The following PGM1 variants were observed in gnomAD, a reference collection of about 807,000 sequenced individuals.
PGM1 encodes the protein phosphoglucomutase 1.
Under a neutral mutation model 55.6 loss-of-function variants are expected in PGM1, and 52 were observed. The observed-to-expected ratio is 0.94, with a 90% confidence interval of 0.75 to 1.18. PGM1 has a LOEUF of 1.18. Ranked by LOEUF, PGM1 falls within the 50% of genes most tolerant of loss-of-function variation. PGM1 has a pLI of 0.00. For synonymous variants in PGM1, 287 were observed against 271.7 expected (o/e 1.06, Z -0.55); for missense variants, 724 against 729.3 (o/e 0.99, Z 0.08).
intron 7 of PGM1, among the ~76,000 whole-genome samples, chr1:63,646,556 C>T (rs1355676355): frequency 6.6e-6 from 1 of 152,068 alleles, no homozygotes; most frequent in Non-Finnish European, 1.5e-5. Flanking sequence ...TTGCTGGATC[C>T]ATGAGTAGGT....
chr1:63,654,747 T>G (rs1649914194), intron 10 of PGM1, among the ~76,000 whole-genome samples: 1 of 152,078 alleles, frequency 6.6e-6, no homozygotes, highest in East Asian at 1.9e-4. Context: ...GAGTGAGACC[T>G]TATATCAAAA....
rs535087550 is a variant in PGM1 at position 63,593,791 on chromosome 1, C to T, written c.246+57C>T. 833 of 1,492,778 alleles carry T rather than the reference C, an allele frequency of 5.6e-4. 1 individual carries two copies. The highest frequency in any genetic ancestry group is 2.8e-3 in the African/African-American group (192 of 69,516). The allele number at this position is 1,492,778 out of a possible 1,614,324, so 92.5% of individuals were successfully genotyped here. A position where few individuals can be genotyped will look rare whatever the true frequency, so the allele number is the denominator to read the frequency against. On this transcript the variant is annotated intron_variant, in intron 1 of 10. Coordinates refer to ENST00000371084, the MANE Select transcript of PGM1 (RefSeq NM_002633.3). ...ACCCTGGCGCGTGTGCGACGTGCGG[C>T]CCGCGGCGCCCTCCCTCGCTCGGGG...
chr1:63,629,182 C>T (rs1255163278), intron 1 of PGM1, among the ~76,000 whole-genome samples: 3 of 152,186 alleles, frequency 2.0e-5, no homozygotes, highest in Non-Finnish European at 4.4e-5. Context: ...ACAGACCACA[C>T]ACTTCTAAAA....
intron 9 of PGM1, among the ~76,000 whole-genome samples, chr1:63,653,550 G>A (rs1649876587): frequency 1.3e-5 from 2 of 152,166 alleles, no homozygotes; most frequent in South Asian, 4.1e-4. Flanking sequence ...TTTTACAGAG[G>A]ATGGATAGAC....
chr1:63,645,959 A>G (rs533653234), intron 7 of PGM1, among the ~76,000 whole-genome samples: 3 of 152,298 alleles, frequency 2.0e-5, no homozygotes, highest in Admixed American at 1.3e-4. Flanking sequence ...TCACAAACAG[A>G]TGGTTGAGAC....
rs1649360299 is a variant in PGM1 at position 63,636,294 on chromosome 1, G to A, written c.934G>A (p.Val312Ile). 6.2e-7 allele frequency: 1 copy of A among 1,614,028 alleles called. No homozygotes were observed. The highest frequency in any genetic ancestry group is 1.7e-5 in the Admixed American group (1 of 60,010). The change falls in exon 6 of 11, where the codon GTC becomes ATC. Residue 312 changes from valine (V) to isoleucine (I), a missense_variant. Around this residue, in one of 3 missense-constraint regions of PGM1, gnomAD observed 29 missense variants for 58.7 expected, o/e 0.49. Transcript: ENST00000371084. ...TGTGAACCCTTCAGACTCTGTGGCT[G>A]TCATTGCTGCCAACATCTTCAGCAT... ...FFVNPSDSVA[V>I]IAANIFSIPY...
Position 63,636,484 on chromosome 1 carries a change from G to T in PGM1, c.1028+96G>T, listed in dbSNP as rs949892805. On this transcript the variant is annotated intron_variant, in intron 6 of 10. Transcript: ENST00000371084. ...CTGGAACACGTGTCCTTCCCTTTCAGCATGGGCATCTGATGCATAGAGTGT... is the reference window on the plus strand; with the variant it reads ...CTGGAACACGTGTCCTTCCCTTTCATCATGGGCATCTGATGCATAGAGTGT... 3 of 1,248,318 alleles carry T rather than the reference G, an allele frequency of 2.4e-6. No homozygotes were observed. The African/African-American group carries it at 4.4e-5, about 18-fold the overall frequency. The allele number at this position is 1,248,318 out of a possible 1,614,324, so 77.3% of individuals were successfully genotyped here.
chr1:63,598,990 A>G (rs1648159246), intron 1 of PGM1, among the ~76,000 whole-genome samples: 1 of 152,210 alleles, frequency 6.6e-6, no homozygotes, highest in Non-Finnish European at 1.5e-5. Flanking sequence ...TGCTGAAGGA[A>G]CATGTTTCTG....
intron 1 of PGM1, among the ~76,000 whole-genome samples, chr1:63,596,052 C>T (rs1379137128): frequency 6.6e-6 from 1 of 152,094 alleles, no homozygotes; most frequent in Admixed American, 6.5e-5. Context: ...TTGCTAAATT[C>T]ATGGAATACA....
rs561236041 is a variant in PGM1 at position 63,593,687 on chromosome 1, A to G, written c.199A>G (p.Met67Val). 29 of 1,605,444 alleles carry G rather than the reference A, an allele frequency of 1.8e-5. 1 individual carries two copies. In the South Asian group the frequency reaches 2.8e-4, roughly 15 times the overall value. ...LVVGGDGRFY[M>V]KEAIQLIARI... Reference sequence around the variant, plus strand: ...GGTGGGCGGGGACGGCCGGTTCTACATGAAGGAGGCCATCCAGCTCATCGC... The same window carrying G: ...GGTGGGCGGGGACGGCCGGTTCTACGTGAAGGAGGCCATCCAGCTCATCGC... The change falls in exon 1 of 11, where the codon ATG becomes GTG. Residue 67 changes from methionine to valine, a missense_variant. Physicochemically the swap from Met to Val is conservative, Grantham distance 21. Transcript: ENST00000371084.
chr1:63,594,000 A>AGGTCAC lies in PGM1; in HGVS notation c.246+268_246+273dup, dbSNP rs1647958491. The AGGTCAC allele has an allele frequency of 5.2e-6, 6 of 1,151,014 alleles. No individual in the cohort carries two copies. The East Asian group carries it at 3.0e-4, about 57-fold the overall frequency. 71.3% of individuals were successfully genotyped at this position (1,151,014 alleles called of 1,614,324 possible). Reference sequence around the variant, plus strand: ...GGAGGTGCGGGCGCGGAGCCTCCCAAGGTCACGCCCGACTCTCCGTCTCTA... The same window carrying AGGTCAC: ...GGAGGTGCGGGCGCGGAGCCTCCCAAGGTCACGGTCACGCCCGACTCTCCGTCTCTA... On this transcript the variant is annotated intron_variant, in intron 1 of 10. Transcript: ENST00000371084.
intron 1 of PGM1, among the ~76,000 whole-genome samples, chr1:63,624,574 C>T (rs1203621980): frequency 2.6e-5 from 4 of 152,146 alleles, no homozygotes; most frequent in Non-Finnish European, 5.9e-5. Context: ...CTGCAAATTC[C>T]TCAGTGGGAC....
intron 1 of PGM1, 63 bp from the exon 2 acceptor site, chr1:63,629,361 GT>G: frequency 7.2e-7 from 1 of 1,386,348 alleles, no homozygotes; most frequent in Admixed American, 1.7e-5. Flanking sequence ...TCTTGGTGTT[GT>G]TTCTGAGCGG....
At chr1:63,650,362 A>T (rs1649775008) in intron 8 of PGM1, among the ~76,000 whole-genome samples, 4 of 152,058 alleles carry the variant, frequency 2.6e-5, no homozygotes, top group Admixed American at 2.6e-4. Flanking sequence ...CTTCTATTCC[A>T]CCCCTCTGTG....
In PGM1 at chr1:63,617,287, G is replaced by A. The variant is rs1454430944; in HGVS notation, c.247-12138G>A. Among the ~76,000 whole-genome samples the A allele has an allele frequency of 8.5e-5, 13 of 152,106 alleles. No homozygotes were observed. The South Asian group carries it at 2.1e-3, about 24-fold the overall frequency. ...CTGGCAAACAGGACCCAGGTACTAC[G>A]GAGCCCTGGTCAGCCCTGTAAAGAG... On this transcript the variant is annotated intron_variant, in intron 1 of 10. Coordinates refer to ENST00000371084, the MANE Select transcript of PGM1 (RefSeq NM_002633.3).
At chr1:63,649,960 A>G (rs1649761498) in intron 8 of PGM1, among the ~76,000 whole-genome samples, 2 of 152,234 alleles carry the variant, frequency 1.3e-5, no homozygotes, top group African/African-American at 4.8e-5. Context: ...CGATAAATGA[A>G]TGAGTTAACA....
Position 63,636,229 on chromosome 1 carries a change from C to T in PGM1, c.874-5C>T, listed in dbSNP as rs959969373. 6.8e-6 allele frequency: 11 copies of T among 1,613,634 alleles called. No individual in the cohort carries two copies. In the African/African-American group the frequency reaches 1.1e-4, roughly 16 times the overall value. On this transcript the variant is annotated splice_polypyrimidine_tract_variant and splice_region_variant and intron_variant, in intron 5 of 10. Transcript: ENST00000371084. ...GTCTTTCTTTGATCCTCTCTTCTCC[C>T]CAAGGATCGAAACATGATTCTGGGC... is the stretch of plus-strand genomic sequence containing the variant.
chr1:63,624,331 CAAA>C (rs1648966499), intron 1 of PGM1, among the ~76,000 whole-genome samples: 1 of 152,128 alleles, frequency 6.6e-6, no homozygotes, highest in South Asian at 2.1e-4. Flanking sequence ...ACCTTGGACA[CAAA>C]GAAGCCGTGC....
At position 63,654,440 on chromosome 1, in the gene PGM1, G is replaced by A. The variant is rs138680029; in HGVS notation, c.1573G>A (p.Val525Ile). The change falls in exon 10 of 11, where the codon GTT (valine) becomes ATT (isoleucine). Residue 525 changes from valine to isoleucine, a missense_variant. Val to Ile is a conservative substitution (Grantham distance 29). This residue lies in a region of PGM1 where 316 missense variants were observed against 313.1 expected (regional missense o/e 1.01). Coordinates refer to ENST00000371084, the MANE Select transcript of PGM1 (RefSeq NM_002633.3). ...GTACATCGATAGCTATGAGAAGGAC[G>A]TTGCCAAGATTAACCAGGACCCCCA... ...RLYIDSYEKD[V>I]AKINQDPQVM... 187 of 1,614,004 alleles carry A rather than the reference G, an allele frequency of 1.2e-4. No individual in the cohort carries two copies. The East Asian group carries it at 1.3e-3, about 11-fold the overall frequency.
Sources: gnomAD v4.1 joint callset for allele counts (sites outside exome capture counted in the v4.1 genomes callset) on GRCh38, gnomAD v4.1.1 for gene constraint, gnomAD v4.1.1 regional missense constraint, MANE v1.5 for transcripts, NCBI Gene and HGNC (gene_info 2026-07-23, HGNC 2026-07-21) for gene names.